GSG1L: variants seen among roughly 807,000 people sequenced by gnomAD.
GSG1L encodes the protein GSG1 like, also known as germ cell-specific gene 1-like protein.
GSG1L carries 24 observed loss-of-function variants against 42.1 expected under a neutral mutation model. The observed-to-expected ratio is 0.57, with a 90% confidence interval of 0.41 to 0.80. The LOEUF is 0.80. Among genes scored for constraint, GSG1L ranks in the 30% least tolerant of loss-of-function variants. The pLI is 0.00. For missense variants in GSG1L, 445 were observed against 472.2 expected (o/e 0.94, Z 0.53); for synonymous variants, 215 against 203.5 (o/e 1.06, Z -0.48).
intron 5 of GSG1L, among the ~76,000 whole-genome samples, chr16:27,814,184 T>A (rs1310564834): frequency 6.6e-6 from 1 of 152,146 alleles, no homozygotes; most frequent in African/African-American, 2.4e-5. Context: ...CAATCATATC[T>A]CACTGTAACC....
At chr16:27,938,785 C>T (rs755390395) in intron 2 of GSG1L, among the ~76,000 whole-genome samples, 3 of 152,142 alleles carry the variant, frequency 2.0e-5, no homozygotes, top group Non-Finnish European at 4.4e-5. Context: ...GTGAGCAGAA[C>T]GTCCCTGATT....
intron 2 of GSG1L, among the ~76,000 whole-genome samples, chr16:27,913,878 C>T (rs2084420588): frequency 6.6e-6 from 1 of 152,050 alleles, no homozygotes; most frequent in Admixed American, 6.5e-5. Context: ...TTAAAAGTAA[C>T]ACATGCTTAT....
chr16:27,868,041 A>AT (rs2083754412), intron 3 of GSG1L, among the ~76,000 whole-genome samples: 1 of 152,258 alleles, frequency 6.6e-6, no homozygotes, highest in South Asian at 2.1e-4. Context: ...TATTGAACTT[A>AT]TTAAAATTCT....
chr16:27,947,385 AAAG>A (rs1379202193), intron 2 of GSG1L, among the ~76,000 whole-genome samples: 2 of 4,496 alleles, frequency 4.4e-4, no homozygotes, highest in Non-Finnish European at 9.0e-4. Context: ...AAAGAAAGAA[AAAG>A]AAAGAAAGAA....
intron 3 of GSG1L, among the ~76,000 whole-genome samples, chr16:27,873,290 A>C (rs1463032878): frequency 1.3e-5 from 2 of 152,170 alleles, no homozygotes; most frequent in East Asian, 3.8e-4. Flanking sequence ...CCTGACCTGG[A>C]TGGATGTGAG....
At position 27,788,805 on chromosome 16, in the gene GSG1L, G is replaced by T. The variant is rs2082719743; in HGVS notation, c.*2565C>A. 1 of 152,244 alleles carries T rather than the reference G, an allele frequency of 6.6e-6. No individual in the cohort carries two copies. Among genetic ancestry groups the T allele is most frequent in the Non-Finnish European group, 1.5e-5 (1 of 68,048 alleles). The allele number at this position is 152,244 out of a possible 1,614,324, so 9.4% of individuals were successfully genotyped here. ...GCTCATTTAATTTGCACAACAGCTT[G>T]AAGAGGTAGGTATAATGATTATCCG... On this transcript the variant is annotated 3_prime_UTR_variant, in exon 7 of 7. Transcript: ENST00000447459.
intron 1 of GSG1L, among the ~76,000 whole-genome samples, chr16:28,016,207 T>C (rs547081359): frequency 6.6e-5 from 10 of 152,302 alleles, no homozygotes; most frequent in South Asian, 4.1e-4. Flanking sequence ...CAGGCTGGTC[T>C]TGAACTCCTG....
intron 2 of GSG1L, among the ~76,000 whole-genome samples, chr16:27,945,809 G>A (rs936403077): frequency 1.1e-4 from 16 of 152,236 alleles, no homozygotes; most frequent in African/African-American, 3.6e-4. Context: ...GCTGAAGGTG[G>A]CACATTTGGA....
intron 4 of GSG1L, among the ~76,000 whole-genome samples, chr16:27,834,585 C>T (rs2083303837): frequency 6.6e-6 from 1 of 151,956 alleles, no homozygotes; most frequent in Non-Finnish European, 1.5e-5. Flanking sequence ...TATTTATAAA[C>T]TAAATTTCCT....
At chr16:27,890,961 G>A (rs567920870) in intron 2 of GSG1L, among the ~76,000 whole-genome samples, 3 of 152,254 alleles carry the variant, frequency 2.0e-5, no homozygotes, top group Admixed American at 2.0e-4. Flanking sequence ...CTCCCAGCCT[G>A]CCCACGGCCC....
intron 2 of GSG1L, among the ~76,000 whole-genome samples, chr16:27,933,202 G>A (rs543699886): frequency 1.3e-5 from 2 of 152,266 alleles, no homozygotes; most frequent in South Asian, 4.1e-4. Context: ...ATCAACTGGA[G>A]ACTGGTATGG....
At chr16:27,935,077 G>C (rs1035504) in intron 2 of GSG1L, among the ~76,000 whole-genome samples, 1,994 of 152,330 alleles carry the variant, frequency 0.013, 49 homozygotes, top group African/African-American at 0.046. Flanking sequence ...ACTTGAGAAG[G>C]TGTTTATTTT....
rs187865815 is a variant in GSG1L, at chr16:27,952,320, C to A, written c.397+10836G>T. On this transcript the variant is annotated intron_variant, in intron 2 of 6. Transcript: ENST00000447459. ...TCCAGCCTGCTGGAGGAGGTCACCACAACACAGCGGGATCAGTGCTCAGAG... is the reference window on the plus strand; with the variant it reads ...TCCAGCCTGCTGGAGGAGGTCACCAAAACACAGCGGGATCAGTGCTCAGAG... Among the ~76,000 whole-genome samples the A allele has an allele frequency of 2.6e-5, 4 of 152,354 alleles. No homozygotes were observed. In the East Asian group the frequency reaches 7.7e-4, roughly 29 times the overall value.
chr16:27,861,443 A>T (rs1051197836), intron 3 of GSG1L, among the ~76,000 whole-genome samples: 1 of 152,154 alleles, frequency 6.6e-6, no homozygotes, highest in Non-Finnish European at 1.5e-5. Context: ...GGGAAGAAGG[A>T]TGAATTTGGC....
chr16:28,039,572 C>T (rs1485524183), intron 1 of GSG1L, among the ~76,000 whole-genome samples: 1 of 151,452 alleles, frequency 6.6e-6, no homozygotes, highest in Non-Finnish European at 1.5e-5. Flanking sequence ...CATATGTGCA[C>T]ACACGCGCAC....
chr16:27,898,234 C>CT (rs1307277056), intron 2 of GSG1L, among the ~76,000 whole-genome samples: 1 of 152,180 alleles, frequency 6.6e-6, no homozygotes, highest in Non-Finnish European at 1.5e-5. Context: ...CAGCACCTGA[C>CT]TTTGAAAATA....
At chr16:27,980,098 TG>T (rs2085309647) in intron 1 of GSG1L, among the ~76,000 whole-genome samples, 1 of 151,622 alleles carries the variant, frequency 6.6e-6, no homozygotes, top group African/African-American at 2.4e-5. Context: ...CCTGAGCAGG[TG>T]GGGGGAACCT....
chr16:27,884,188 C>T lies in GSG1L; in HGVS notation c.550+298G>A, dbSNP rs118066802. ...CCATCACAGACCATGTGGTACTGAT[C>T]TCCTGAAGACATCTCAAATTCATCT... On this transcript the variant is annotated intron_variant, in intron 3 of 6. Transcript: ENST00000447459. The surrounding 1 kb of genome is among the most constrained non-coding windows in gnomAD (Gnocchi z 4.4). Among the ~76,000 whole-genome samples the T allele has an allele frequency of 0.017, 2,589 of 152,342 alleles. 55 individuals are homozygous for T. The highest frequency in any genetic ancestry group is 0.041 in the Middle Eastern group (12 of 294).
At chr16:28,025,306 G>A (rs2085887744) in intron 1 of GSG1L, among the ~76,000 whole-genome samples, 1 of 152,194 alleles carries the variant, frequency 6.6e-6, no homozygotes, top group African/African-American at 2.4e-5. Flanking sequence ...AGGGCCAGGA[G>A]GCTCGGGGAG....
Sources: gnomAD v4.1 joint callset for allele counts (sites outside exome capture counted in the v4.1 genomes callset) on GRCh38, gnomAD v4.1.1 for gene constraint, Gnocchi (gnomAD v3.1) non-coding constraint, MANE v1.5 for transcripts, NCBI Gene and HGNC (gene_info 2026-07-23, HGNC 2026-07-21) for gene names.